Variants in TMEM116 observed in about 807,000 individuals in gnomAD.
The protein encoded by TMEM116 is transmembrane protein 116.
A neutral mutation model predicts 44.3 loss-of-function variants in TMEM116; 38 were observed. The ratio of observed to expected loss-of-function variants is 0.86; its 90% CI spans 0.66 to 1.12. The LOEUF is 1.12. Ranked by LOEUF, TMEM116 falls within the 50% of genes most tolerant of loss-of-function variation. TMEM116 has a pLI of 0.00. For synonymous variants in TMEM116, 132 were observed against 144.8 expected (o/e 0.91, Z 0.64); for missense variants, 354 against 401.7 (o/e 0.88, Z 1.01).
chr12:112,000,704 T>A (rs1420357879), intron 3 of TMEM116: 2 of 527,060 alleles, frequency 3.8e-6, no homozygotes, highest in African/African-American at 1.9e-5. Context: ...TCTGCTAGCA[T>A]CTCTTCTGAG....
At chr12:111,946,089 G>A (rs2073249046) in intron 4 of TMEM116, among the ~76,000 whole-genome samples, 1 of 152,156 alleles carries the variant, frequency 6.6e-6, no homozygotes, top group African/African-American at 2.4e-5. Context: ...TTAGAACAAT[G>A]TTTTCCTCTA....
chr12:111,942,795 G>A (rs996448035), intron 5 of TMEM116, among the ~76,000 whole-genome samples: 1 of 147,014 alleles, frequency 6.8e-6, no homozygotes, highest in Non-Finnish European at 1.5e-5. Flanking sequence ...TGTGTGTGTG[G>A]GTGTGTGTAT....
At chr12:111,940,550 C>CATATATGTGTATATAT (rs1565874405) in intron 5 of TMEM116, among the ~76,000 whole-genome samples, 4 of 127,706 alleles carry the variant, frequency 3.1e-5, no homozygotes, top group African/African-American at 1.3e-4. Context: ...TATATACACA[C>CATATATGTGTATATAT]ACACATATAT....
rs182215600 is a variant in TMEM116, at chr12:111,936,426, G to C, written c.588+266C>G. The C allele has an allele frequency of 6.0e-5, 19 of 318,244 alleles. No homozygotes were observed. In the Admixed American group the frequency reaches 7.6e-4, roughly 13 times the overall value. The allele number at this position is 318,244 out of a possible 1,614,324, so 19.7% of individuals were successfully genotyped here. ...GGCACATATGAGTTTTCTGGCCATA[G>C]GGGATTGATGAAGCCTATACTAGTT... On this transcript the variant is annotated intron_variant, in intron 8 of 10. Transcript: ENST00000552374.
chr12:112,007,112 T>C (rs1022953023), intron 1 of TMEM116, among the ~76,000 whole-genome samples: 1 of 152,106 alleles, frequency 6.6e-6, no homozygotes, highest in African/African-American at 2.4e-5. Flanking sequence ...CAAAACACCA[T>C]TTCTAAAACA....
chr12:111,985,515 A>G (rs2076177005), intron 4 of TMEM116, among the ~76,000 whole-genome samples: 1 of 152,232 alleles, frequency 6.6e-6, no homozygotes, highest in African/African-American at 2.4e-5. Context: ...AGTATAAAAC[A>G]TTGCTAAAAG....
intron 4 of TMEM116, among the ~76,000 whole-genome samples, chr12:111,947,771 C>T (rs1324984642): frequency 6.6e-6 from 1 of 152,092 alleles, no homozygotes; most frequent in East Asian, 1.9e-4. Flanking sequence ...TTTCTAATAA[C>T]TTCAATATTA....
At chr12:111,952,764 G>T (rs942412353) in intron 4 of TMEM116, among the ~76,000 whole-genome samples, 5 of 152,174 alleles carry the variant, frequency 3.3e-5, no homozygotes, top group Non-Finnish European at 7.4e-5. Context: ...AAGTTCTTCA[G>T]CTTTGGGACT....
At chr12:111,996,036 T>C (rs1321064281) in intron 3 of TMEM116, among the ~76,000 whole-genome samples, 1 of 121,378 alleles carries the variant, frequency 8.2e-6, no homozygotes, top group Admixed American at 9.1e-5. Flanking sequence ...CAAGACCCTG[T>C]CTCAAAAAAA....
chr12:111,986,172 AC>A (rs2076219614), intron 4 of TMEM116, among the ~76,000 whole-genome samples: 2 of 151,676 alleles, frequency 1.3e-5, no homozygotes, highest in Admixed American at 1.3e-4. Context: ...CCTGAGCAAC[AC>A]GGCAAGATCC....
chr12:111,955,530 CA>C (rs909946499), intron 4 of TMEM116, among the ~76,000 whole-genome samples: 3 of 152,232 alleles, frequency 2.0e-5, no homozygotes, highest in African/African-American at 7.2e-5. Context: ...TTCCATCTTT[CA>C]GAGGCAGATG....
chr12:111,952,838 G>A (rs995396581), intron 4 of TMEM116, among the ~76,000 whole-genome samples: 1 of 152,118 alleles, frequency 6.6e-6, no homozygotes, highest in African/African-American at 2.4e-5. Context: ...GATCATGTGA[G>A]TTAATACTCC....
At chr12:111,998,887 T>C (rs1171016033) in intron 3 of TMEM116, among the ~76,000 whole-genome samples, 1 of 152,012 alleles carries the variant, frequency 6.6e-6, no homozygotes, top group Non-Finnish European at 1.5e-5. Context: ...TTAAAACATA[T>C]CAGAAGTCTT....
intron 4 of TMEM116, among the ~76,000 whole-genome samples, chr12:111,953,216 T>C (rs922308029): frequency 3.3e-5 from 5 of 152,178 alleles, no homozygotes; most frequent in Non-Finnish European, 5.9e-5. Context: ...CAAACTTCCC[T>C]TGTTGCTCAA....
chr12:111,949,670 T>C (rs937037546), intron 4 of TMEM116, among the ~76,000 whole-genome samples: 2 of 152,248 alleles, frequency 1.3e-5, no homozygotes, highest in East Asian at 1.9e-4. Context: ...ATACACCTGT[T>C]ATTAGACTGT....
chr12:111,941,303 G>A (rs188858278), intron 5 of TMEM116, among the ~76,000 whole-genome samples: 237 of 151,766 alleles, frequency 1.6e-3, no homozygotes, highest in Admixed American at 2.6e-3. Context: ...TTGAACCAGG[G>A]AGTCGGAGGC....
At chr12:111,991,233 A>C (rs1232598836) in intron 4 of TMEM116, among the ~76,000 whole-genome samples, 4 of 149,388 alleles carry the variant, frequency 2.7e-5, no homozygotes, top group South Asian at 2.1e-4. Context: ...AAAAAAAAAA[A>C]AAAAAACGGC....
intron 8 of TMEM116, 94 bp from the exon 9 acceptor site, chr12:111,934,124 G>A (rs1014878762): frequency 5.1e-6 from 7 of 1,384,748 alleles, no homozygotes; most frequent in South Asian, 2.8e-5. Context: ...TATTCTCTTA[G>A]AATCTCACAA....
In TMEM116 at chr12:111,933,979, C is replaced by A; in HGVS notation, c.640G>T (p.Gly214Cys). The A allele has an allele frequency of 6.2e-7, 1 of 1,614,142 alleles. No homozygotes were observed. The highest frequency in any genetic ancestry group is 8.5e-7 in the Non-Finnish European group (1 of 1,180,036). Reference sequence around the variant, plus strand: ...GCCCACTGTTCACTCCCCAGAAAGCCAGTTGACTTCACAAACTTCTTATAC... The same window carrying A: ...GCCCACTGTTCACTCCCCAGAAAGCAAGTTGACTTCACAAACTTCTTATAC... The part of the protein sequence containing the change: ...TLYKKFVKST[G>C]FLGSEQWAVI... Residue 214 changes from glycine to cysteine, a missense_variant, in exon 9 of 11, where the codon GGC becomes TGC. Transcript: ENST00000552374.
Sources: allele counts gnomAD v4.1 joint callset (sites outside exome capture counted in the v4.1 genomes callset), GRCh38; gene constraint gnomAD v4.1.1; transcripts MANE v1.5; gene names NCBI Gene and HGNC (gene_info 2026-07-23, HGNC 2026-07-21).